The following CDC123 variants were observed in gnomAD, a reference collection of about 807,000 sequenced individuals.
CDC123 encodes the protein cell division cycle 123.
A neutral mutation model predicts 54.4 loss-of-function variants in CDC123; 37 were observed. The ratio of observed to expected loss-of-function variants is 0.68; its 90% CI spans 0.52 to 0.89. CDC123 has a LOEUF of 0.89. CDC123 is among the 40% of genes least tolerant of loss of function. The probability of loss-of-function intolerance (pLI) is 0.00; values close to 1 mark genes in which losing one functional copy is unlikely to be tolerated. For missense variants in CDC123, 361 were observed against 412.1 expected (o/e 0.88, Z 1.07); for synonymous variants, 144 against 136.8 (o/e 1.05, Z -0.37).
intron 4 of CDC123, among the ~76,000 whole-genome samples, chr10:12,215,529 T>A (rs572068521): frequency 1.3e-5 from 2 of 152,346 alleles, no homozygotes; most frequent in African/African-American, 4.8e-5. Flanking sequence ...GTCTGGAAAA[T>A]GCCATTTAAG....
At chr10:12,203,212 C>T (rs1450810870) in intron 2 of CDC123, among the ~76,000 whole-genome samples, 1 of 152,156 alleles carries the variant, frequency 6.6e-6, no homozygotes, top group African/African-American at 2.4e-5. Flanking sequence ...TGGAGGTCTG[C>T]CATGGACCCT....
intron 5 of CDC123, among the ~76,000 whole-genome samples, chr10:12,216,495 AAATT>A (rs1455135004): frequency 2.6e-5 from 4 of 152,140 alleles, no homozygotes; most frequent in Non-Finnish European, 4.4e-5. Context: ...TTACTTCTAA[AAATT>A]AATTATACTC....
rs1835804050 is a variant in CDC123, at chr10:12,225,751, T to C, written c.441-5197T>C. Among the ~76,000 whole-genome samples the C allele has an allele frequency of 9.8e-5, 13 of 132,594 alleles. No individual in the cohort carries two copies. In the South Asian group the frequency reaches 1.0e-3, roughly 10 times the overall value. 87.0% of individuals were successfully genotyped at this position (132,594 alleles called of 152,430 possible). On this transcript the variant is annotated intron_variant, in intron 6 of 12. Transcript: ENST00000281141. ...TTTTTTTTTCTAGCTTCTCTCTTTT[T>C]TTTTTTTTTTTTTTTTTTTTTTAGT...
rs1020441289 is a variant in CDC123, at chr10:12,217,272, G to A, written c.334-89G>A. 9.6e-6 allele frequency: 12 copies of A among 1,248,768 alleles called. No homozygotes were observed. In the African/African-American group the frequency reaches 1.5e-4, roughly 16 times the overall value. The allele number at this position is 1,248,768 out of a possible 1,614,324, so 77.4% of individuals were successfully genotyped here. A position where few individuals can be genotyped will look rare whatever the true frequency, so the allele number is the denominator to read the frequency against. ...ACTTTCTTCCTTAAACCCTTGAAGTGATATGCATTATTGATTTTGTTATAG... is the reference window on the plus strand; with the variant it reads ...ACTTTCTTCCTTAAACCCTTGAAGTAATATGCATTATTGATTTTGTTATAG... On this transcript the variant is annotated intron_variant, in intron 5 of 12. Transcript: ENST00000281141.
intron 2 of CDC123, among the ~76,000 whole-genome samples, chr10:12,205,991 G>A (rs1463310692): frequency 1.3e-5 from 2 of 152,084 alleles, no homozygotes; most frequent in African/African-American, 4.8e-5. Context: ...TAGTAGAGAT[G>A]GGGTTTCACT....
intron 2 of CDC123, 83 bp downstream of exon 2, chr10:12,198,859 T>G: frequency 1.3e-6 from 1 of 772,000 alleles, no homozygotes; most frequent in Non-Finnish European, 2.3e-6. Flanking sequence ...GCACCATTCT[T>G]TCCCTTTAGC....
At chr10:12,199,690 G>T (rs1835413103) in intron 2 of CDC123, among the ~76,000 whole-genome samples, 1 of 152,076 alleles carries the variant, frequency 6.6e-6, no homozygotes, top group South Asian at 2.1e-4. Context: ...TCTGTTTTTG[G>T]TATTCACAGA....
At chr10:12,220,358 G>A (rs1462106745) in intron 6 of CDC123, among the ~76,000 whole-genome samples, 1 of 152,022 alleles carries the variant, frequency 6.6e-6, no homozygotes, top group African/African-American at 2.4e-5. Flanking sequence ...CTGTTGTTTT[G>A]CATTTTGTAC....
intron 6 of CDC123, among the ~76,000 whole-genome samples, chr10:12,230,035 G>T (rs1835878024): frequency 6.6e-6 from 1 of 152,122 alleles, no homozygotes. Flanking sequence ...ACTAAATTTG[G>T]TCTTTTCTGG....
At chr10:12,225,093 A>G (rs1292840411) in intron 6 of CDC123, among the ~76,000 whole-genome samples, 1 of 152,158 alleles carries the variant, frequency 6.6e-6, no homozygotes, top group Non-Finnish European at 1.5e-5. Flanking sequence ...ACTCCTCAGA[A>G]TAATGATTTC....
rs759932378 is a variant in CDC123 at position 12,225,724 on chromosome 10, C to CT, written c.441-5214dup. 5.8e-3 allele frequency among the ~76,000 whole-genome samples: 495 copies of CT among 85,646 alleles called. 24 individuals carry two copies. The East Asian group carries it at 0.13, about 23-fold the overall frequency. The allele number at this position is 85,646 out of a possible 152,430, so 56.2% of individuals were successfully genotyped here. A position where few individuals can be genotyped will look rare whatever the true frequency, so the allele number is the denominator to read the frequency against. On this transcript the variant is annotated intron_variant, in intron 6 of 12. Transcript: ENST00000281141. ...GTCCCAAAAAATAATTGACTTTTCT[C>CT]TTTTTTTTTTCTAGCTTCTCTCTTT... is the stretch of plus-strand genomic sequence containing the variant.
chr10:12,208,709 G>A (rs1283414182), intron 2 of CDC123, among the ~76,000 whole-genome samples: 4 of 152,114 alleles, frequency 2.6e-5, no homozygotes, highest in African/African-American at 9.7e-5. Flanking sequence ...AGTTACTTGC[G>A]CAGGAGGGCT....
At chr10:12,209,887 A>G (rs931275573) in intron 2 of CDC123, 80 bp from the exon 3 acceptor site, 53 of 1,360,458 alleles carry the variant, frequency 3.9e-5, no homozygotes, top group Non-Finnish European at 5.4e-5. Context: ...ATTTAAAAAC[A>G]TATACTCAGT....
At chr10:12,231,230 C>A (rs1031847379) in intron 7 of CDC123, among the ~76,000 whole-genome samples, 4 of 152,172 alleles carry the variant, frequency 2.6e-5, no homozygotes, top group African/African-American at 9.7e-5. Flanking sequence ...TACGCAGACA[C>A]CTTTAATAGA....
chr10:12,232,254 C>G (rs1377154788), intron 7 of CDC123, among the ~76,000 whole-genome samples: 2 of 152,030 alleles, frequency 1.3e-5, no homozygotes, highest in Non-Finnish European at 2.9e-5. Flanking sequence ...TAGTTTGTTG[C>G]AAAGAGGATG....
intron 10 of CDC123, among the ~76,000 whole-genome samples, chr10:12,239,948 C>T (rs1439502274): frequency 1.4e-5 from 2 of 147,478 alleles, no homozygotes; most frequent in Non-Finnish European, 3.0e-5. Context: ...GCGGAGCTTG[C>T]AGTGAGCCGA....
intron 6 of CDC123, among the ~76,000 whole-genome samples, chr10:12,217,913 C>A (rs921381523): frequency 6.6e-6 from 1 of 152,090 alleles, no homozygotes; most frequent in African/African-American, 2.4e-5. Flanking sequence ...TATAGTGAAT[C>A]CCCGTCTCTA....
intron 4 of CDC123, among the ~76,000 whole-genome samples, chr10:12,212,628 A>G (rs990331065): frequency 6.6e-6 from 1 of 152,174 alleles, no homozygotes; most frequent in African/African-American, 2.4e-5. Context: ...GTGTGCCAGC[A>G]TGCTTAGCTC....
At chr10:12,226,007 T>A (rs1181381276) in intron 6 of CDC123, among the ~76,000 whole-genome samples, 1 of 151,960 alleles carries the variant, frequency 6.6e-6, no homozygotes, top group Non-Finnish European at 1.5e-5. Flanking sequence ...ACAAAGCACA[T>A]CTTGCACCGC....
Sources: allele counts gnomAD v4.1 joint callset (sites outside exome capture counted in the v4.1 genomes callset), GRCh38; gene constraint gnomAD v4.1.1; transcripts MANE v1.5; gene names NCBI Gene and HGNC (gene_info 2026-07-23, HGNC 2026-07-21).